SHANK2: variants seen among roughly 807,000 people sequenced by gnomAD.
SHANK2 encodes the protein SH3 and multiple ankyrin repeat domains protein 2.
Under a neutral mutation model 133.7 loss-of-function variants are expected in SHANK2, and 43 were observed. The ratio of observed to expected loss-of-function variants is 0.32; its 90% CI spans 0.25 to 0.41. The LOEUF is 0.41. SHANK2 is among the 10% of genes least tolerant of loss of function. The pLI is 1.00. For missense variants in SHANK2, 1,994 were observed against 2,235.8 expected (o/e 0.89, Z 2.18); for synonymous variants, 1,017 against 952.8 (o/e 1.07, Z -1.24).
At chr11:71,094,196 G>A (rs1174121255) in intron 7 of SHANK2, among the ~76,000 whole-genome samples, 2 of 152,136 alleles carry the variant, frequency 1.3e-5, no homozygotes, top group Admixed American at 6.5e-5. Context: ...CCCACTCAGC[G>A]CTGCTCTCAT....
chr11:71,156,936 T>C (rs1294999356), intron 2 of SHANK2, among the ~76,000 whole-genome samples: 1 of 152,130 alleles, frequency 6.6e-6, no homozygotes, highest in Non-Finnish European at 1.5e-5. Flanking sequence ...ATACCTACAA[T>C]GCATGGCCCA....
rs905118060 is a variant in SHANK2 at position 70,889,207 on chromosome 11, G to A, written c.1174+7294C>T. ...ATTCAGAGACTGGAGTCCGTATAAG[G>A]GAAAGGAGTAGGACCTCTGAGATAT... is the stretch of plus-strand genomic sequence containing the variant. On this transcript the variant is annotated intron_variant, in intron 11 of 25. Transcript: ENST00000601538. Among the ~76,000 whole-genome samples, 5 of 152,176 alleles carry A rather than the reference G, an allele frequency of 3.3e-5. No homozygotes were observed. The South Asian group carries it at 8.3e-4, about 25-fold the overall frequency.
At chr11:70,954,041 G>T (rs990518968) in intron 10 of SHANK2, among the ~76,000 whole-genome samples, 3 of 152,218 alleles carry the variant, frequency 2.0e-5, no homozygotes, top group African/African-American at 4.8e-5. Flanking sequence ...CATAGAAATT[G>T]CAATGCAGAC....
intron 10 of SHANK2, among the ~76,000 whole-genome samples, chr11:70,934,781 C>T (rs1364381262): frequency 2.0e-5 from 3 of 152,198 alleles, no homozygotes; most frequent in Admixed American, 2.0e-4. Context: ...TCACGAGTGG[C>T]GTGATTTTCC....
At chr11:70,660,318 C>T (rs2061465146) in intron 16 of SHANK2, among the ~76,000 whole-genome samples, 1 of 152,216 alleles carries the variant, frequency 6.6e-6, no homozygotes, top group Admixed American at 6.5e-5. Context: ...CACAGAGCTA[C>T]AGAAACACCA....
chr11:70,859,447 T>C (rs1190113524), intron 11 of SHANK2, among the ~76,000 whole-genome samples: 1 of 151,572 alleles, frequency 6.6e-6, no homozygotes, highest in Non-Finnish European at 1.5e-5. Context: ...TGTGGGTGGA[T>C]GGATGGATGG....
At chr11:70,655,792 C>T (rs1200751503) in intron 17 of SHANK2, among the ~76,000 whole-genome samples, 1 of 152,176 alleles carries the variant, frequency 6.6e-6, no homozygotes, top group East Asian at 1.9e-4. Flanking sequence ...TGGCAGGCCA[C>T]ATCAAGAGGC....
chr11:70,840,468 C>T (rs559111656), intron 11 of SHANK2, among the ~76,000 whole-genome samples: 6 of 152,226 alleles, frequency 3.9e-5, no homozygotes, highest in African/African-American at 1.4e-4. Context: ...CCCCTCTCAG[C>T]TCTGAGGAGC....
intron 11 of SHANK2, among the ~76,000 whole-genome samples, chr11:70,831,131 C>T (rs1948718410): frequency 6.6e-6 from 1 of 152,112 alleles, no homozygotes; most frequent in South Asian, 2.1e-4. Flanking sequence ...GAGAGGGTGG[C>T]AATGTGAGTG....
At chr11:70,934,335 C>T (rs934171298) in intron 10 of SHANK2, among the ~76,000 whole-genome samples, 1 of 152,096 alleles carries the variant, frequency 6.6e-6, no homozygotes, top group Non-Finnish European at 1.5e-5. Flanking sequence ...TCAGGTTCCT[C>T]ACCCCAGGTA....
At chr11:70,734,914 T>C (rs978830574) in intron 14 of SHANK2, among the ~76,000 whole-genome samples, 3 of 152,126 alleles carry the variant, frequency 2.0e-5, no homozygotes, top group Non-Finnish European at 4.4e-5. Context: ...ACAAGGCCCA[T>C]GAAGCTGGGA....
intron 14 of SHANK2, among the ~76,000 whole-genome samples, chr11:70,731,459 G>A (rs546287015): frequency 3.3e-5 from 5 of 152,288 alleles, no homozygotes; most frequent in South Asian, 4.1e-4. Context: ...CTGTTTCTAC[G>A]GATTTGCTAA....
intron 2 of SHANK2, among the ~76,000 whole-genome samples, chr11:71,181,941 T>C (rs1953566753): frequency 6.6e-6 from 1 of 151,752 alleles, no homozygotes; most frequent in South Asian, 2.1e-4. Context: ...GGATGAAGCA[T>C]CATGGGTGTG....
At chr11:71,134,899 C>A (rs1309079137) in intron 3 of SHANK2, among the ~76,000 whole-genome samples, 1 of 152,136 alleles carries the variant, frequency 6.6e-6, no homozygotes, top group Non-Finnish European at 1.5e-5. Flanking sequence ...CTTCTCCTCT[C>A]ACCAGAGAGG....
At chr11:71,156,673 A>C (rs578113951) in intron 2 of SHANK2, among the ~76,000 whole-genome samples, 7 of 152,324 alleles carry the variant, frequency 4.6e-5, no homozygotes, top group Admixed American at 3.9e-4. Context: ...CTGGACACAT[A>C]CATTTGTGAA....
chr11:70,896,508 T>C lies in SHANK2; in HGVS notation c.1167A>G (p.Thr389=). 1.4e-6 allele frequency: 1 copy of C among 718,308 alleles called. No individual in the cohort carries two copies. Among genetic ancestry groups the C allele is most frequent in the Non-Finnish European group, 2.6e-6 (1 of 384,544 alleles). The allele number at this position is 718,308 out of a possible 1,614,324, so 44.5% of individuals were successfully genotyped here. Reference sequence around the variant, plus strand: ...CTCCACGTGCCTACTCACCAATGTCTGTTTCCTTGTGGTTCTTGATGTATT... The same window carrying C: ...CTCCACGTGCCTACTCACCAATGTCCGTTTCCTTGTGGTTCTTGATGTATT... ...LAEYIKNHKE[T]DIVPFREAPA... The change falls in exon 11 of 26, where the codon ACA becomes ACG. Residue 389 remains threonine (T), a synonymous_variant. Coordinates refer to ENST00000601538, the MANE Select transcript of SHANK2 (RefSeq NM_012309.5).
chr11:71,119,922 A>T (rs1392273290), intron 3 of SHANK2, among the ~76,000 whole-genome samples: 1 of 152,256 alleles, frequency 6.6e-6, no homozygotes, highest in South Asian at 2.1e-4. Context: ...GCCTTGTCTT[A>T]TAACCACACT....
At chr11:70,846,442 T>G (rs1948998826) in intron 11 of SHANK2, among the ~76,000 whole-genome samples, 1 of 152,008 alleles carries the variant, frequency 6.6e-6, no homozygotes. Flanking sequence ...TTTTAGTTTT[T>G]CATTTTTTGT....
intron 2 of SHANK2, among the ~76,000 whole-genome samples, chr11:71,185,950 T>G (rs1198670438): frequency 6.6e-6 from 1 of 152,004 alleles, no homozygotes; most frequent in Non-Finnish European, 1.5e-5. Flanking sequence ...CATGGCGCAT[T>G]CCCAACAATG....
Sources: gnomAD v4.1 joint callset for allele counts (sites outside exome capture counted in the v4.1 genomes callset) on GRCh38, gnomAD v4.1.1 for gene constraint, MANE v1.5 for transcripts, NCBI Gene and HGNC (gene_info 2026-07-23, HGNC 2026-07-21) for gene names.